The following GAREM1 variants were observed in gnomAD, a reference collection of about 807,000 sequenced individuals.
GAREM1 encodes GRB2 associated regulator of MAPK1 subtype 1, also known as GRB2-associated and regulator of MAPK protein 1.
In GAREM1, 26 loss-of-function variants were observed where a neutral mutation model predicts 71.3. The ratio of observed to expected loss-of-function variants is 0.36; its 90% CI spans 0.27 to 0.51. GAREM1 has a LOEUF of 0.51. Ranked by LOEUF, GAREM1 falls within the 20% of genes least tolerant of loss-of-function variation. The probability of loss-of-function intolerance (pLI) is 0.95; values close to 1 mark genes in which losing one functional copy is unlikely to be tolerated. For synonymous variants in GAREM1, 440 were observed against 433.2 expected, an observed-to-expected ratio of 1.02 and a Z score of -0.20; for missense variants, 1,026 against 1,103.1, an observed-to-expected ratio of 0.93 and a Z score of 0.99.
At chr18:32,460,393 C>T (rs1313584317) in intron 1 of GAREM1, among the ~76,000 whole-genome samples, 1 of 152,162 alleles carries the variant, frequency 6.6e-6, no homozygotes, top group Non-Finnish European at 1.5e-5. Flanking sequence ...ACCATAAGGT[C>T]ATCAAAGCCC....
rs2049038159 is a variant in GAREM1 at position 32,470,244 on chromosome 18, C to G, written c.121+64G>C. Reference sequence around the variant, plus strand: ...CGGGTCCCACCCTCTCCAGCACACGCGCGCACACCCGCGTGGAGACGGCTG... The same window carrying G: ...CGGGTCCCACCCTCTCCAGCACACGGGCGCACACCCGCGTGGAGACGGCTG... On this transcript the variant is annotated intron_variant, in intron 1 of 5. Coordinates refer to ENST00000269209, the MANE Select transcript of GAREM1 (RefSeq NM_001242409.2). The surrounding 1 kb of genome is among the most constrained non-coding windows in gnomAD (Gnocchi z 4.4). 1 of 1,381,156 alleles carries G rather than the reference C, an allele frequency of 7.2e-7. No individual in the cohort carries two copies. The highest frequency in any genetic ancestry group is 9.5e-7 in the Non-Finnish European group (1 of 1,056,692). 85.6% of individuals were successfully genotyped at this position (1,381,156 alleles called of 1,614,324 possible). A position where few individuals can be genotyped will look rare whatever the true frequency, so the allele number is the denominator to read the frequency against.
chr18:32,418,395 G>A (rs1365614790), intron 1 of GAREM1, among the ~76,000 whole-genome samples: 1 of 152,096 alleles, frequency 6.6e-6, no homozygotes, highest in Non-Finnish European at 1.5e-5. Flanking sequence ...ACACCTCTCT[G>A]TTCTAGGGCT....
At chr18:32,365,478 C>G (rs1171922642) in intron 2 of GAREM1, among the ~76,000 whole-genome samples, 1 of 152,044 alleles carries the variant, frequency 6.6e-6, no homozygotes, top group Non-Finnish European at 1.5e-5. Flanking sequence ...ACTTAAGGAC[C>G]CAAATATCTC....
rs116808216 is a variant in GAREM1 at position 32,289,911 on chromosome 18, A to G, written c.394-1708T>C. Among the ~76,000 whole-genome samples the G allele has an allele frequency of 5.6e-3, 859 of 152,112 alleles. 12 individuals are homozygous for G. The highest frequency in any genetic ancestry group is 0.02 in the African/African-American group (822 of 41,516). ...TTTTAATACTTTGCTATGTATCTCT[A>G]TTTTTTGAATCCTAACCACTAGCCC... is the stretch of plus-strand genomic sequence containing the variant. On this transcript the variant is annotated intron_variant, in intron 3 of 5. Coordinates refer to ENST00000269209, the MANE Select transcript of GAREM1 (RefSeq NM_001242409.2).
Position 32,266,756 on chromosome 18 carries a change from G to A in GAREM1, c.*1115C>T, listed in dbSNP as rs982782197. ...GCTCTCGTAAAGCATGAAGTAGGTT[G>A]AGAATGCCTAATGTACTCTGACAAA... is the stretch of plus-strand genomic sequence containing the variant. On this transcript the variant is annotated 3_prime_UTR_variant, in exon 6 of 6. Transcript: ENST00000269209. 1 of 152,174 alleles carries A rather than the reference G, an allele frequency of 6.6e-6. No homozygotes were observed. The highest frequency in any genetic ancestry group is 1.5e-5 in the Non-Finnish European group (1 of 68,044). The allele number at this position is 152,174 out of a possible 1,614,324, so 9.4% of individuals were successfully genotyped here.
chr18:32,376,271 G>C (rs1431486939), intron 2 of GAREM1, among the ~76,000 whole-genome samples: 1 of 152,274 alleles, frequency 6.6e-6, no homozygotes, highest in Non-Finnish European at 1.5e-5. Context: ...CTTAGATCAG[G>C]CCAAGGACTT....
intron 2 of GAREM1, among the ~76,000 whole-genome samples, chr18:32,321,837 C>T (rs756895135): frequency 1.3e-5 from 2 of 152,172 alleles, no homozygotes; most frequent in Non-Finnish European, 2.9e-5. Context: ...CTCTAGATTT[C>T]CACCCCAGGA....
At chr18:32,394,228 C>T (rs1047801076) in intron 1 of GAREM1, among the ~76,000 whole-genome samples, 1 of 151,926 alleles carries the variant, frequency 6.6e-6, no homozygotes, top group African/African-American at 2.4e-5. Context: ...GGCAAAATCC[C>T]ATCTCTACAA....
At chr18:32,315,436 A>T (rs1190426974) in intron 2 of GAREM1, among the ~76,000 whole-genome samples, 1 of 146,556 alleles carries the variant, frequency 6.8e-6, no homozygotes, top group Non-Finnish European at 1.5e-5. Context: ...AAGTATATAT[A>T]AAAAAATATA....
intron 1 of GAREM1, among the ~76,000 whole-genome samples, chr18:32,417,059 A>G (rs910173833): frequency 6.6e-5 from 10 of 152,194 alleles, no homozygotes; most frequent in African/African-American, 2.4e-4. Flanking sequence ...AATGGGCAAA[A>G]TATTTGAATG....
chr18:32,354,129 G>T (rs923894023), intron 2 of GAREM1, among the ~76,000 whole-genome samples: 23 of 152,114 alleles, frequency 1.5e-4, no homozygotes, highest in Admixed American at 1.4e-3. Flanking sequence ...GAATACTTTA[G>T]TACCAGAGGT....
intron 2 of GAREM1, among the ~76,000 whole-genome samples, chr18:32,319,539 C>T (rs907558335): frequency 1.3e-5 from 2 of 152,160 alleles, no homozygotes; most frequent in African/African-American, 4.8e-5. Flanking sequence ...TAACTAAATC[C>T]TTCATCAACA....
At chr18:32,397,386 G>A (rs536647468) in intron 1 of GAREM1, among the ~76,000 whole-genome samples, 29 of 152,274 alleles carry the variant, frequency 1.9e-4, no homozygotes, top group South Asian at 8.3e-4. Context: ...AGACTCATCA[G>A]TGTGCTGTAT....
chr18:32,390,241 TA>T (rs397962259), intron 2 of GAREM1, among the ~76,000 whole-genome samples: 1 of 152,000 alleles, frequency 6.6e-6, no homozygotes, highest in African/African-American at 2.4e-5. Context: ...AAATTTTTTT[TA>T]AAAAAACTAC....
chr18:32,312,571 G>C (rs1429191320), intron 2 of GAREM1, among the ~76,000 whole-genome samples: 2 of 152,180 alleles, frequency 1.3e-5, no homozygotes, highest in Non-Finnish European at 2.9e-5. Context: ...TAATAAGAAT[G>C]GGCACCAGAT....
At chr18:32,439,489 G>T (rs1031228937) in intron 1 of GAREM1, among the ~76,000 whole-genome samples, 5 of 151,952 alleles carry the variant, frequency 3.3e-5, no homozygotes, top group African/African-American at 4.8e-5. Flanking sequence ...TGCTCCAGGG[G>T]GTTTGTTCAG....
intron 1 of GAREM1, among the ~76,000 whole-genome samples, chr18:32,399,443 C>T (rs558173050): frequency 6.6e-6 from 1 of 152,304 alleles, no homozygotes; most frequent in South Asian, 2.1e-4. Context: ...AGCCCAAAAT[C>T]TCCTTAAGCT....
chr18:32,269,873 G>A (rs970279941), intron 5 of GAREM1, among the ~76,000 whole-genome samples: 2 of 152,136 alleles, frequency 1.3e-5, no homozygotes, highest in East Asian at 1.9e-4. Flanking sequence ...TTGTCTGCTT[G>A]AAGGTGCTGT....
intron 3 of GAREM1, among the ~76,000 whole-genome samples, chr18:32,304,834 A>G (rs961652124): frequency 1.3e-5 from 2 of 151,896 alleles, no homozygotes; most frequent in African/African-American, 4.8e-5. Context: ...AGTCCAACTC[A>G]CTCTGTAGAT....
Sources: allele counts gnomAD v4.1 joint callset (sites outside exome capture counted in the v4.1 genomes callset), GRCh38; gene constraint gnomAD v4.1.1; non-coding constraint Gnocchi (gnomAD v3.1); transcripts MANE v1.5; gene names NCBI Gene and HGNC (gene_info 2026-07-23, HGNC 2026-07-21).